The following NKAIN3 variants were observed in gnomAD, a reference collection of about 807,000 sequenced individuals.
NKAIN3 encodes the protein sodium/potassium-transporting ATPase subunit beta-1-interacting protein 3.
In NKAIN3, 25 loss-of-function variants were observed where a neutral mutation model predicts 30.2. That is an observed-to-expected ratio of 0.83 (90% confidence interval 0.60 to 1.16). The LOEUF (loss-of-function observed/expected upper bound fraction) is 1.16. NKAIN3 is among the 50% of genes most tolerant of loss of function. The probability of loss-of-function intolerance (pLI) is 0.00; values close to 1 mark genes in which losing one functional copy is unlikely to be tolerated. For synonymous variants in NKAIN3, 91 were observed against 89.6 expected (o/e 1.02, Z -0.09); for missense variants, 225 against 254.1 (o/e 0.89, Z 0.78).
intron 1 of NKAIN3, among the ~76,000 whole-genome samples, chr8:62,513,835 G>A (rs1021255368): frequency 7.9e-6 from 1 of 125,866 alleles, no homozygotes; most frequent in Non-Finnish European, 1.6e-5. Flanking sequence ...CTCCAGCCTG[G>A]GCAACAGAGT....
intron 1 of NKAIN3, among the ~76,000 whole-genome samples, chr8:62,389,588 C>T (rs1350722722): frequency 6.6e-6 from 1 of 152,122 alleles, no homozygotes; most frequent in East Asian, 1.9e-4. Context: ...CTCTTTCTGA[C>T]ATCTAACAAT....
chr8:62,533,971 C>A (rs1479398926), intron 1 of NKAIN3, among the ~76,000 whole-genome samples: 2 of 152,128 alleles, frequency 1.3e-5, no homozygotes, highest in African/African-American at 4.8e-5. Flanking sequence ...GAGGACACTG[C>A]AAGTCCCTTT....
At chr8:62,404,402 G>C (rs928260763) in intron 1 of NKAIN3, among the ~76,000 whole-genome samples, 1 of 152,130 alleles carries the variant, frequency 6.6e-6, no homozygotes, top group Non-Finnish European at 1.5e-5. Flanking sequence ...TTGAATTGTA[G>C]ATCCAATAAT....
At chr8:62,740,836 C>A (rs1815840663) in intron 3 of NKAIN3, among the ~76,000 whole-genome samples, 1 of 151,980 alleles carries the variant, frequency 6.6e-6, no homozygotes, top group African/African-American at 2.4e-5. Context: ...AGAGCTCAAA[C>A]ATTTAATGTT....
chr8:62,521,353 T>G (rs1808152429), intron 1 of NKAIN3, among the ~76,000 whole-genome samples: 2 of 152,060 alleles, frequency 1.3e-5, no homozygotes, highest in Non-Finnish European at 2.9e-5. Flanking sequence ...TTTTCAAACT[T>G]TTTTTCTTTT....
At chr8:62,509,351 A>G (rs574740846) in intron 1 of NKAIN3, among the ~76,000 whole-genome samples, 1 of 152,130 alleles carries the variant, frequency 6.6e-6, no homozygotes, top group Non-Finnish European at 1.5e-5. Context: ...CCTTCTATCC[A>G]GGAAGAGTTC....
chr8:62,385,209 A>G (rs1817388924), intron 1 of NKAIN3, among the ~76,000 whole-genome samples: 1 of 152,118 alleles, frequency 6.6e-6, no homozygotes, highest in Non-Finnish European at 1.5e-5. Flanking sequence ...AATCCTCTGC[A>G]CTATCATCAT....
chr8:62,828,630 C>T (rs562460220), intron 4 of NKAIN3, among the ~76,000 whole-genome samples: 131 of 93,038 alleles, frequency 1.4e-3, no homozygotes, highest in African/African-American at 4.3e-3. Flanking sequence ...TCAACACCCA[C>T]TCTTTGAATC....
At chr8:62,442,804 C>T (rs1805368013) in intron 1 of NKAIN3, among the ~76,000 whole-genome samples, 1 of 151,788 alleles carries the variant, frequency 6.6e-6, no homozygotes. Context: ...TAAATTGTTC[C>T]TTATTCCCCC....
At chr8:62,838,690 C>A (rs538840018) in intron 4 of NKAIN3, among the ~76,000 whole-genome samples, 2 of 152,018 alleles carry the variant, frequency 1.3e-5, no homozygotes, top group Admixed American at 6.6e-5. Context: ...GGCATCAGCA[C>A]TAAAAACACC....
chr8:62,449,876 A>G (rs1805590399), intron 1 of NKAIN3, among the ~76,000 whole-genome samples: 1 of 152,136 alleles, frequency 6.6e-6, no homozygotes, highest in Non-Finnish European at 1.5e-5. Context: ...TCAGTCAACC[A>G]TGGTTATAAA....
chr8:62,829,308 TTAA>T (rs1819122315), intron 4 of NKAIN3, among the ~76,000 whole-genome samples: 1 of 152,206 alleles, frequency 6.6e-6, no homozygotes, highest in Non-Finnish European at 1.5e-5. Flanking sequence ...AAACTCAGTT[TTAA>T]CAAGCTTCCC....
intron 5 of NKAIN3, among the ~76,000 whole-genome samples, chr8:62,929,968 C>T (rs1217179747): frequency 6.6e-6 from 1 of 152,138 alleles, no homozygotes; most frequent in Non-Finnish European, 1.5e-5. Flanking sequence ...GCTCTAGATG[C>T]TACATAGAAC....
chr8:62,855,421 C>T, intron 4 of NKAIN3: 1 of 1,022,550 alleles, frequency 9.8e-7, no homozygotes, highest in African/African-American at 1.6e-5. Flanking sequence ...TATTGGCCTT[C>T]AGCTCCTCTT....
intron 1 of NKAIN3, among the ~76,000 whole-genome samples, chr8:62,451,410 C>T (rs1368056124): frequency 1.3e-5 from 2 of 151,676 alleles, no homozygotes; most frequent in Non-Finnish European, 2.9e-5. Flanking sequence ...TTCAGATAGC[C>T]TTTTGTCAAA....
At chr8:62,993,535 AC>A (rs1461841750) in intron 5 of NKAIN3, among the ~76,000 whole-genome samples, 1 of 152,152 alleles carries the variant, frequency 6.6e-6, no homozygotes, top group Non-Finnish European at 1.5e-5. Flanking sequence ...CTCTAGAGGC[AC>A]CATATGGCCC....
At chr8:62,668,103 CACACACAT>C (rs971732592) in intron 3 of NKAIN3, among the ~76,000 whole-genome samples, 6 of 125,154 alleles carry the variant, frequency 4.8e-5, no homozygotes, top group African/African-American at 2.8e-4. Flanking sequence ...CACATACACA[CACACACAT>C]ACACACACAC....
intron 1 of NKAIN3, among the ~76,000 whole-genome samples, chr8:62,328,663 T>TA (rs1468393202): frequency 3.3e-5 from 5 of 152,136 alleles, no homozygotes; most frequent in African/African-American, 1.2e-4. Flanking sequence ...TTAAAAGGAT[T>TA]AAAAAAGATA....
intron 3 of NKAIN3, among the ~76,000 whole-genome samples, chr8:62,648,591 C>G (rs1812535386): frequency 6.6e-6 from 1 of 152,164 alleles, no homozygotes; most frequent in Admixed American, 6.6e-5. Context: ...ATAGGAATCA[C>G]AGCCTGGTGC....
Sources: gnomAD v4.1 joint callset for allele counts (sites outside exome capture counted in the v4.1 genomes callset) on GRCh38, gnomAD v4.1.1 for gene constraint, MANE v1.5 for transcripts, NCBI Gene and HGNC (gene_info 2026-07-23, HGNC 2026-07-21) for gene names.